The following THSD7B variants were observed in gnomAD, a reference collection of about 807,000 sequenced individuals.
THSD7B encodes thrombospondin type-1 domain-containing protein 7B.
Under a neutral mutation model 213.6 loss-of-function variants are expected in THSD7B, and 138 were observed. The observed-to-expected ratio is 0.65, with a 90% CI of 0.56 to 0.74. THSD7B has a LOEUF of 0.74. Among genes scored for constraint, THSD7B ranks in the 30% least tolerant of loss-of-function variants. THSD7B has a pLI of 0.00. For synonymous variants in THSD7B, 742 were observed against 687.0 expected, an observed-to-expected ratio of 1.08 and a Z score of -1.25; for missense variants, 1,931 against 1,991.5, an observed-to-expected ratio of 0.97 and a Z score of 0.58.
chr2:137,549,313 T>A (rs1282272289), intron 15 of THSD7B, among the ~76,000 whole-genome samples: 1 of 32,636 alleles, frequency 3.1e-5, no homozygotes, highest in Non-Finnish European at 5.7e-5. Context: ...AGATGCTCTT[T>A]TTTTTTTTTT....
intron 17 of THSD7B, among the ~76,000 whole-genome samples, chr2:137,615,547 G>T (rs1682368221): frequency 6.6e-6 from 1 of 152,142 alleles, no homozygotes; most frequent in East Asian, 1.9e-4. Flanking sequence ...GGAGCCACAG[G>T]TATCATGATA....
chr2:137,135,786 T>G (rs1260393969), intron 5 of THSD7B, among the ~76,000 whole-genome samples: 2 of 151,926 alleles, frequency 1.3e-5, no homozygotes, highest in Admixed American at 6.6e-5. Flanking sequence ...AATGATTTGA[T>G]GAGAAATGCA....
rs200489068 is a variant in THSD7B, at chr2:137,057,448, T to C, written c.950+218T>C. ...TGTTCTAGCATTCTTGTGTGATTAG[T>C]AATGCAATTATATATATAGGATAAG... On this transcript the variant is annotated intron_variant, in intron 3 of 27. Transcript: ENST00000409968. Among the ~76,000 whole-genome samples, 4 of 152,224 alleles carry C rather than the reference T, an allele frequency of 2.6e-5. No individual in the cohort carries two copies. The East Asian group carries it at 7.7e-4, about 29-fold the overall frequency.
Position 137,676,895 on chromosome 2 carries a change from G to A in THSD7B, c.*290G>A. The A allele has an allele frequency of 3.7e-6, 1 of 269,298 alleles. No individual in the cohort carries two copies. Among genetic ancestry groups the A allele is most frequent in the South Asian group, 8.9e-5 (1 of 11,288 alleles). 16.7% of individuals were successfully genotyped at this position (269,298 alleles called of 1,614,324 possible). ...GGAACTGGGAGGAAGAAAACATGAT[G>A]GAATTCCCACAGACTTGAGTAAACT... On this transcript the variant is annotated 3_prime_UTR_variant, in exon 28 of 28. Coordinates refer to ENST00000409968, the MANE Select transcript of THSD7B (RefSeq NM_001316349.2).
chr2:137,642,730 C>A (rs1019929093), intron 21 of THSD7B, 97 bp downstream of exon 21: 5 of 1,396,704 alleles, frequency 3.6e-6, no homozygotes, highest in Non-Finnish European at 4.8e-6. Context: ...TTTCACAGCA[C>A]CAGGGGTCTG....
chr2:137,559,719 C>G (rs1681066553), intron 15 of THSD7B, among the ~76,000 whole-genome samples: 1 of 152,182 alleles, frequency 6.6e-6, no homozygotes, highest in African/African-American at 2.4e-5. Context: ...CAAATGGGAT[C>G]TAATTACACT....
At chr2:136,994,371 C>T (rs192198211) in intron 2 of THSD7B, among the ~76,000 whole-genome samples, 1 of 152,220 alleles carries the variant, frequency 6.6e-6, no homozygotes, top group East Asian at 1.9e-4. Flanking sequence ...TCGAGACCAT[C>T]CTGGCTAACA....
At chr2:137,282,586 G>A (rs1166033572) in intron 12 of THSD7B, among the ~76,000 whole-genome samples, 4 of 152,102 alleles carry the variant, frequency 2.6e-5, no homozygotes, top group Admixed American at 2.0e-4. Context: ...TTTGTATAAG[G>A]TGTAAGGAAG....
intron 6 of THSD7B, among the ~76,000 whole-genome samples, chr2:137,165,349 C>T (rs904951490): frequency 6.6e-6 from 1 of 152,180 alleles, no homozygotes; most frequent in Non-Finnish European, 1.5e-5. Flanking sequence ...GACCACCTGC[C>T]TATATTCCCT....
intron 14 of THSD7B, among the ~76,000 whole-genome samples, chr2:137,416,868 A>G (rs1686811639): frequency 1.3e-5 from 2 of 152,244 alleles, no homozygotes; most frequent in South Asian, 4.1e-4. Context: ...TGGATAAGCA[A>G]TGTTTTTGAA....
intron 1 of THSD7B, among the ~76,000 whole-genome samples, chr2:136,879,272 C>G (rs989011360): frequency 6.6e-6 from 1 of 152,124 alleles, no homozygotes. Flanking sequence ...TTCCATTGGT[C>G]TATTTCTCTG....
At chr2:137,347,987 A>C (rs2104916637) in intron 12 of THSD7B, among the ~76,000 whole-genome samples, 1 of 151,640 alleles carries the variant, frequency 6.6e-6, no homozygotes, top group Admixed American at 6.6e-5. Flanking sequence ...AAAACATAGA[A>C]AGCATTACTA....
At chr2:137,506,632 C>G (rs1368049162) in intron 15 of THSD7B, among the ~76,000 whole-genome samples, 1 of 152,192 alleles carries the variant, frequency 6.6e-6, no homozygotes, top group Non-Finnish European at 1.5e-5. Context: ...ACAGACTTCT[C>G]CATTAGCATT....
chr2:137,382,561 C>G (rs975667564), intron 12 of THSD7B, among the ~76,000 whole-genome samples: 1 of 152,230 alleles, frequency 6.6e-6, no homozygotes, highest in African/African-American at 2.4e-5. Context: ...ATATATGCCA[C>G]CCTTCAGGCT....
At chr2:136,944,562 GCT>G (rs527903767) in intron 2 of THSD7B, among the ~76,000 whole-genome samples, 29 of 152,210 alleles carry the variant, frequency 1.9e-4, no homozygotes, top group African/African-American at 5.8e-4. Context: ...GAATCTGGGT[GCT>G]CCTGTATTGG....
intron 15 of THSD7B, among the ~76,000 whole-genome samples, chr2:137,530,056 C>T (rs763704474): frequency 1.3e-5 from 2 of 151,818 alleles, no homozygotes; most frequent in Non-Finnish European, 2.9e-5. Context: ...TACATCTGGG[C>T]GAATTAGAAC....
chr2:137,051,052 C>T (rs781104509), intron 2 of THSD7B, among the ~76,000 whole-genome samples: 4 of 152,074 alleles, frequency 2.6e-5, no homozygotes, highest in South Asian at 2.1e-4. Flanking sequence ...TTCCTGTTTC[C>T]ATCAGTGAGC....
At chr2:136,965,359 A>C (rs1045271211) in intron 2 of THSD7B, among the ~76,000 whole-genome samples, 2 of 152,198 alleles carry the variant, frequency 1.3e-5, no homozygotes, top group African/African-American at 4.8e-5. Flanking sequence ...TGGGGTGAAA[A>C]ATAGAATATG....
chr2:136,801,989 G>A (rs1682190319), intron 1 of THSD7B, among the ~76,000 whole-genome samples: 2 of 152,200 alleles, frequency 1.3e-5, no homozygotes, highest in South Asian at 4.1e-4. Context: ...ATTGAAATGA[G>A]TGGCTGTTAC....
Sources: gnomAD v4.1 joint callset for allele counts (sites outside exome capture counted in the v4.1 genomes callset) on GRCh38, gnomAD v4.1.1 for gene constraint, MANE v1.5 for transcripts, NCBI Gene and HGNC (gene_info 2026-07-23, HGNC 2026-07-21) for gene names.